Variants in ASIC2 observed in about 807,000 individuals in gnomAD.
The protein encoded by ASIC2 is acid sensing ion channel subunit 2.
In ASIC2, 25 loss-of-function variants were observed where a neutral mutation model predicts 57.3. That is an observed-to-expected ratio of 0.44 (90% CI 0.32 to 0.61). The LOEUF (loss-of-function observed/expected upper bound fraction) is 0.61, where lower values mean the gene tolerates loss of function less well. Among genes scored for constraint, ASIC2 ranks in the 20% least tolerant of loss-of-function variants. The probability of loss-of-function intolerance (pLI) is 0.06; values close to 1 mark genes in which losing one functional copy is unlikely to be tolerated. For missense variants in ASIC2, 641 were observed against 738.1 expected (o/e 0.87, Z 1.52); for synonymous variants, 319 against 307.5 (o/e 1.04, Z -0.39).
At chr17:33,632,390 G>A (rs1018448002) in intron 1 of ASIC2, among the ~76,000 whole-genome samples, 3 of 152,056 alleles carry the variant, frequency 2.0e-5, no homozygotes, top group African/African-American at 7.2e-5. Flanking sequence ...CAGATTAAAC[G>A]TGGAGCTGTG....
chr17:33,220,987 A>T (rs1192852462), intron 1 of ASIC2, among the ~76,000 whole-genome samples: 1 of 152,146 alleles, frequency 6.6e-6, no homozygotes, highest in Non-Finnish European at 1.5e-5. Context: ...TAGGAGGATC[A>T]CTTGAGCCCA....
At chr17:33,750,564 C>G (rs972045087) in intron 1 of ASIC2, among the ~76,000 whole-genome samples, 10 of 152,246 alleles carry the variant, frequency 6.6e-5, no homozygotes, top group Admixed American at 4.6e-4. Context: ...CATTTAATAA[C>G]AGGACTTAGT....
At chr17:33,499,621 C>A (rs1459092445) in intron 1 of ASIC2, among the ~76,000 whole-genome samples, 1 of 152,350 alleles carries the variant, frequency 6.6e-6, no homozygotes, top group African/African-American at 2.4e-5. Context: ...TGAAGCCACC[C>A]AGTCTGTGGT....
intron 3 of ASIC2, among the ~76,000 whole-genome samples, chr17:33,046,709 G>T (rs1057408548): frequency 6.6e-6 from 1 of 152,198 alleles, no homozygotes; most frequent in Non-Finnish European, 1.5e-5. Flanking sequence ...AAAGGAAGGG[G>T]ATGTCTGTTG....
intron 1 of ASIC2, among the ~76,000 whole-genome samples, chr17:33,269,348 A>G (rs1314223685): frequency 6.6e-6 from 1 of 152,082 alleles, no homozygotes; most frequent in East Asian, 1.9e-4. Context: ...TTCTGGATGG[A>G]GTTTTCTACT....
At chr17:33,793,015 T>C (rs1251459307) in intron 1 of ASIC2, 1 of 152,232 alleles carries the variant, frequency 6.6e-6, no homozygotes, top group African/African-American at 2.4e-5. Context: ...GTTTTAGTCC[T>C]ACCTGTAGCA....
intron 1 of ASIC2, among the ~76,000 whole-genome samples, chr17:33,481,472 C>T (rs193024049): frequency 4.3e-4 from 66 of 152,182 alleles, no homozygotes; most frequent in African/African-American, 1.5e-3. Context: ...CTCTGCATCC[C>T]AATGTTTCCT....
chr17:33,520,136 G>A (rs1914696570), intron 1 of ASIC2, among the ~76,000 whole-genome samples: 2 of 152,128 alleles, frequency 1.3e-5, no homozygotes, highest in African/African-American at 2.4e-5. Flanking sequence ...CCTCCCCAGG[G>A]GCCTCTTTGG....
At chr17:34,092,869 C>A (rs1255773412) in intron 1 of ASIC2, among the ~76,000 whole-genome samples, 1 of 152,076 alleles carries the variant, frequency 6.6e-6, no homozygotes, top group East Asian at 1.9e-4. Flanking sequence ...TGACTTTATA[C>A]TTTTATTATG....
intron 1 of ASIC2, among the ~76,000 whole-genome samples, chr17:33,470,673 G>C (rs943421046): frequency 3.3e-5 from 5 of 152,160 alleles, no homozygotes; most frequent in Admixed American, 2.6e-4. Flanking sequence ...GAGCTAAGAG[G>C]TGCCCTTGAT....
chr17:33,868,351 A>G lies in ASIC2; in HGVS notation c.555+287627T>C, dbSNP rs1278553751. Among the ~76,000 whole-genome samples, 8 of 152,198 alleles carry G rather than the reference A, an allele frequency of 5.3e-5. No homozygotes were observed. In the South Asian group the frequency reaches 8.3e-4, roughly 16 times the overall value. On this transcript the variant is annotated intron_variant, in intron 1 of 9. Transcript: ENST00000359872. ...CAATGGGTATGCCTGTGTTCCAATG[A>G]AACTTTATTTACAAAAATAAATGAC... is the stretch of plus-strand genomic sequence containing the variant.
At position 33,731,892 on chromosome 17, in the gene ASIC2, G is replaced by A. The variant is rs144685623; in HGVS notation, c.555+424086C>T. Among the ~76,000 whole-genome samples the A allele has an allele frequency of 3.2e-3, 493 of 152,318 alleles. 3 individuals carry two copies. Among genetic ancestry groups the A allele is most frequent in the South Asian group, 0.011 (51 of 4,818 alleles). ...CAAGGATAGTCACAAACTGGGGTGGGGTTGGGGGAGCTGTTGTGATATGTG... is the reference window on the plus strand; with the variant it reads ...CAAGGATAGTCACAAACTGGGGTGGAGTTGGGGGAGCTGTTGTGATATGTG... On this transcript the variant is annotated intron_variant, in intron 1 of 9. Coordinates refer to the ASIC2 transcript ENST00000359872.
intron 1 of ASIC2, among the ~76,000 whole-genome samples, chr17:33,746,931 T>C (rs1230864840): frequency 6.6e-6 from 1 of 152,022 alleles, no homozygotes; most frequent in African/African-American, 2.4e-5. Context: ...TAAGCAATAC[T>C]CTACTGAAAA....
chr17:33,327,504 T>G (rs1390255906), intron 1 of ASIC2, among the ~76,000 whole-genome samples: 1 of 152,188 alleles, frequency 6.6e-6, no homozygotes, highest in East Asian at 1.9e-4. Context: ...TTAACCACAA[T>G]GAAATGGATT....
intron 1 of ASIC2, among the ~76,000 whole-genome samples, chr17:33,499,453 G>T (rs1021532405): frequency 1.3e-5 from 2 of 152,194 alleles, no homozygotes; most frequent in Non-Finnish European, 2.9e-5. Flanking sequence ...CAGGGAGAAG[G>T]CCACGTAAAC....
chr17:33,345,332 C>T lies in ASIC2; in HGVS notation c.556-233265G>A, dbSNP rs113360371. Among the ~76,000 whole-genome samples the T allele has an allele frequency of 3.4e-3, 520 of 152,240 alleles. 4 individuals carry two copies. Among genetic ancestry groups the T allele is most frequent in the African/African-American group, 0.012 (500 of 41,536 alleles). The stretch of plus-strand genomic sequence containing the variant: ...ATGATTCGAGGCACTGAGAAAGTAC[C>T]GATGGGCAAGGCAAGATCCCTATCC... On this transcript the variant is annotated intron_variant, in intron 1 of 9. Transcript: ENST00000359872.
chr17:33,148,627 T>C (rs987023766), intron 1 of ASIC2, among the ~76,000 whole-genome samples: 10 of 152,230 alleles, frequency 6.6e-5, no homozygotes, highest in African/African-American at 2.2e-4. Flanking sequence ...GAAAGAATGA[T>C]AATAAATTCC....
Position 34,097,195 on chromosome 17 carries a change from C to T in ASIC2, c.555+58783G>A, listed in dbSNP as rs113429967. ...AGGATATGCCAAGCAGTCTTTTAGA[C>T]GCTATAAGGATGCTTTTACCTCTTT... On this transcript the variant is annotated intron_variant, in intron 1 of 9. Coordinates refer to the ASIC2 transcript ENST00000359872. 9.8e-3 allele frequency among the ~76,000 whole-genome samples: 1,499 copies of T among 152,226 alleles called. 12 individuals carry two copies. Among genetic ancestry groups the T allele is most frequent in the Non-Finnish European group, 0.013 (886 of 67,996 alleles).
chr17:33,605,264 CG>C (rs1414156014), intron 1 of ASIC2, among the ~76,000 whole-genome samples: 1 of 152,200 alleles, frequency 6.6e-6, no homozygotes, highest in African/African-American at 2.4e-5. Flanking sequence ...TCTGCTGCAG[CG>C]GGGAGCCCAG....
Sources: gnomAD v4.1 joint callset for allele counts (sites outside exome capture counted in the v4.1 genomes callset) on GRCh38, gnomAD v4.1.1 for gene constraint, MANE v1.5 for transcripts, NCBI Gene and HGNC (gene_info 2026-07-23, HGNC 2026-07-21) for gene names.